The following CLVS1 variants were observed in gnomAD, a reference collection of about 807,000 sequenced individuals.
CLVS1 encodes the protein clavesin 1, also known as clavesin-1.
In CLVS1, 10 loss-of-function variants were observed where a neutral mutation model predicts 33.1. That is an observed-to-expected ratio of 0.30 (90% CI 0.19 to 0.51). The LOEUF (loss-of-function observed/expected upper bound fraction) is 0.51, where lower values mean the gene tolerates loss of function less well. Among genes scored for constraint, CLVS1 ranks in the 20% least tolerant of loss-of-function variants. CLVS1 has a pLI of 0.97. For synonymous variants in CLVS1, 163 were observed against 166.1 expected, an observed-to-expected ratio of 0.98 and a Z score of 0.14; for missense variants, 343 against 433.4, an observed-to-expected ratio of 0.79 and a Z score of 1.85.
chr8:61,340,059 AAAAG>A lies in CLVS1; in HGVS notation c.456-36534_456-36531del, dbSNP rs879905646. Among the ~76,000 whole-genome samples, 376 of 151,982 alleles carry A rather than the reference AAAAG, an allele frequency of 2.5e-3. 1 individual carries two copies. Among genetic ancestry groups the A allele is most frequent in the African/African-American group, 6.7e-3 (280 of 41,494 alleles). On this transcript the variant is annotated intron_variant, in intron 2 of 5. Transcript: ENST00000325897. ...GAAAAAAGGAAGGAAAGAAAAAAGA[AAAAG>A]AAAGAAAGAAAAAGAAAGGAAAGAA... is the stretch of plus-strand genomic sequence containing the variant.
intron 1 of CLVS1, among the ~76,000 whole-genome samples, chr8:61,085,783 G>A (rs1036594282): frequency 1.1e-4 from 16 of 151,156 alleles, no homozygotes; most frequent in Non-Finnish European, 4.4e-5. Context: ...GCACTCTTTG[G>A]GAGGCCGAGG....
In CLVS1 at chr8:61,276,485, G is replaced by T. The variant is rs1809563958; in HGVS notation, c.-151-23192G>T. On this transcript the variant is annotated intron_variant, in intron 2 of 2. Transcript: ENST00000522621. ...GTTGTACTTCTGGCAACATTCTCTT[G>T]TTTGTTTTTAGATCTTAATTAAACT... Among the ~76,000 whole-genome samples, 4 of 152,156 alleles carry T rather than the reference G, an allele frequency of 2.6e-5. No individual in the cohort carries two copies. In the South Asian group the frequency reaches 8.3e-4, roughly 32 times the overall value.
chr8:60,994,978 G>T, the CLVS1 span, among the ~76,000 whole-genome samples: 1 of 151,784 alleles, frequency 6.6e-6, no homozygotes, highest in Non-Finnish European at 1.5e-5. Flanking sequence ...AGCTGAAACT[G>T]GATCCCTTCC....
intron 2 of CLVS1, among the ~76,000 whole-genome samples, chr8:61,225,356 A>T (rs911653700): frequency 6.6e-5 from 10 of 152,136 alleles, no homozygotes; most frequent in Non-Finnish European, 1.2e-4. Flanking sequence ...AAAGAATGTA[A>T]AAGTTTCTTT....
chr8:61,373,395 C>T (rs902192175), intron 2 of CLVS1, among the ~76,000 whole-genome samples: 4 of 152,182 alleles, frequency 2.6e-5, no homozygotes, highest in African/African-American at 7.2e-5. Flanking sequence ...CTGGGATCAT[C>T]CCAGGAACAT....
At chr8:61,252,211 A>G (rs1026887452) in intron 2 of CLVS1, among the ~76,000 whole-genome samples, 1 of 152,108 alleles carries the variant, frequency 6.6e-6, no homozygotes, top group African/African-American at 2.4e-5. Flanking sequence ...TTCAGTTTCC[A>G]TGTAGTTTTG....
intron 3 of CLVS1, among the ~76,000 whole-genome samples, chr8:61,427,096 C>G (rs1335500985): frequency 6.6e-6 from 1 of 152,146 alleles, no homozygotes; most frequent in Admixed American, 6.5e-5. Flanking sequence ...ACAATCCAAC[C>G]ACTAAAATTC....
At chr8:61,084,904 A>T (rs1805091403) in intron 1 of CLVS1, among the ~76,000 whole-genome samples, 1 of 152,226 alleles carries the variant, frequency 6.6e-6, no homozygotes, top group Admixed American at 6.5e-5. Context: ...ATGGGAATGA[A>T]ACTAGCCAGG....
intron 3 of CLVS1, among the ~76,000 whole-genome samples, chr8:61,398,306 C>T (rs1426256392): frequency 6.6e-6 from 1 of 151,666 alleles, no homozygotes; most frequent in East Asian, 1.9e-4. Context: ...CTCAGCCTCC[C>T]AAGTAGCTGT....
intron 2 of CLVS1, among the ~76,000 whole-genome samples, chr8:61,205,495 T>C (rs1007389761): frequency 3.3e-5 from 5 of 152,246 alleles, no homozygotes; most frequent in Non-Finnish European, 7.3e-5. Flanking sequence ...TTTGTTTATC[T>C]ATTGACTCAT....
At chr8:61,256,644 AC>A (rs1347253106) in intron 2 of CLVS1, among the ~76,000 whole-genome samples, 21 of 82,798 alleles carry the variant, frequency 2.5e-4, no homozygotes, top group South Asian at 4.4e-4. Flanking sequence ...TATCTCAAAA[AC>A]AAAAAAAAAA....
At chr8:61,200,844 T>C (rs1443998863) in intron 2 of CLVS1, among the ~76,000 whole-genome samples, 1 of 152,244 alleles carries the variant, frequency 6.6e-6, no homozygotes, top group Non-Finnish European at 1.5e-5. Context: ...TTTTATCTTT[T>C]TTTGTTTTAC....
chr8:61,027,001 T>C, the CLVS1 span, among the ~76,000 whole-genome samples: 1 of 152,216 alleles, frequency 6.6e-6, no homozygotes, highest in Non-Finnish European at 1.5e-5. Context: ...TTTCCATCAA[T>C]GCAGTGTCCC....
chr8:60,967,714 G>GTGGGATT, the CLVS1 span: 1 of 455,568 alleles, frequency 2.2e-6, no homozygotes, highest in Non-Finnish European at 4.4e-6. Flanking sequence ...GGTGCTGAGG[G>GTGGGATT]TGGGATTTGG....
Position 61,458,410 on chromosome 8 carries a change from C to A in CLVS1, c.845C>A (p.Thr282Asn). Reference protein sequence around the residue: ...GGTLPPYDMGTWARTLLGPDY... With the variant: ...GGTLPPYDMGNWARTLLGPDY... ...ACTCTTCCTCCTTATGACATGGGAA[C>A]TTGGGCCCGGACGTTACTCGGTCCC... Residue 282 changes from threonine to asparagine, a missense_variant, in exon 5 of 6, where the codon ACT (threonine) becomes AAT (asparagine). Around this residue, in one of 4 missense-constraint regions of CLVS1, gnomAD observed 86 missense variants for 95.0 expected, o/e 0.91. Transcript: ENST00000325897. 1.2e-6 allele frequency: 2 copies of A among 1,614,138 alleles called. No homozygotes were observed. The highest frequency in any genetic ancestry group is 1.7e-6 in the Non-Finnish European group (2 of 1,179,998).
At chr8:61,106,688 C>T (rs1188589585) in intron 1 of CLVS1, among the ~76,000 whole-genome samples, 1 of 152,144 alleles carries the variant, frequency 6.6e-6, no homozygotes, top group Non-Finnish European at 1.5e-5. Context: ...TGGAAACCCA[C>T]GGAGATGCCT....
intron 2 of CLVS1, chr8:61,202,214 A>G (rs904648038): frequency 8.8e-6 from 4 of 453,906 alleles, no homozygotes; most frequent in South Asian, 8.7e-5. Flanking sequence ...CATAAAGTAC[A>G]TTGATTTCTT....
chr8:61,329,914 C>A (rs934233100), intron 2 of CLVS1, among the ~76,000 whole-genome samples: 2 of 152,104 alleles, frequency 1.3e-5, no homozygotes, highest in Non-Finnish European at 2.9e-5. Flanking sequence ...GGGACAAGGG[C>A]CCCTTGTCCT....
intron 3 of CLVS1, among the ~76,000 whole-genome samples, chr8:61,441,556 A>C (rs1329198226): frequency 1.3e-5 from 2 of 152,210 alleles, no homozygotes; most frequent in Non-Finnish European, 2.9e-5. Flanking sequence ...TATTGAGTTC[A>C]GGTATGTTTT....
Sources: allele counts gnomAD v4.1 joint callset (sites outside exome capture counted in the v4.1 genomes callset), GRCh38; gene constraint gnomAD v4.1.1; regional missense constraint gnomAD v4.1.1; transcripts MANE v1.5; gene names NCBI Gene and HGNC (gene_info 2026-07-23, HGNC 2026-07-21).